SH3RF3: variants seen among roughly 807,000 people sequenced by gnomAD.
SH3RF3 encodes SH3 domain containing ring finger 3.
Under a neutral mutation model 66.3 loss-of-function variants are expected in SH3RF3, and 29 were observed. The observed-to-expected ratio is 0.44, with a 90% CI of 0.33 to 0.60. The LOEUF is 0.60. SH3RF3 is among the 20% of genes least tolerant of loss of function. The pLI is 0.04. For missense variants in SH3RF3, 1,194 were observed against 1,190.9 expected, an observed-to-expected ratio of 1.00 and a Z score of -0.04; for synonymous variants, 583 against 532.0, an observed-to-expected ratio of 1.10 and a Z score of -1.32.
At chr2:109,423,931 A>G (rs1363364469) in intron 5 of SH3RF3, among the ~76,000 whole-genome samples, 1 of 152,208 alleles carries the variant, frequency 6.6e-6, no homozygotes, top group Non-Finnish European at 1.5e-5. Flanking sequence ...AAGTGGGAAG[A>G]GCAGAGAATT....
At chr2:109,495,758 C>T (rs539707815) in intron 9 of SH3RF3, among the ~76,000 whole-genome samples, 1 of 152,246 alleles carries the variant, frequency 6.6e-6, no homozygotes, top group African/African-American at 2.4e-5. Flanking sequence ...TCCCAGAGTG[C>T]TGGGCGTGAG....
At chr2:109,364,844 A>C (rs1312380242) in intron 2 of SH3RF3, among the ~76,000 whole-genome samples, 1 of 152,090 alleles carries the variant, frequency 6.6e-6, no homozygotes, top group Non-Finnish European at 1.5e-5. Context: ...TACTCTCAGC[A>C]CTTTGGGAGG....
At chr2:109,215,877 A>T (rs1339101217) in intron 1 of SH3RF3, among the ~76,000 whole-genome samples, 1 of 152,146 alleles carries the variant, frequency 6.6e-6, no homozygotes, top group African/African-American at 2.4e-5. Context: ...GTCCCGAGGA[A>T]CCGGCATACA....
chr2:109,362,188 C>T (rs749442527), intron 2 of SH3RF3, among the ~76,000 whole-genome samples: 5 of 152,034 alleles, frequency 3.3e-5, no homozygotes, highest in Admixed American at 1.3e-4. Context: ...CTTTTCTAAT[C>T]GATGCATTCA....
intron 1 of SH3RF3, among the ~76,000 whole-genome samples, chr2:109,266,240 TTG>T (rs1558990918): frequency 6.6e-6 from 1 of 150,970 alleles, no homozygotes; most frequent in Non-Finnish European, 1.5e-5. Context: ...ATTCAGTGTG[TTG>T]TGTGTGCTGT....
chr2:109,287,604 G>A (rs544051297), intron 1 of SH3RF3, among the ~76,000 whole-genome samples: 2 of 152,156 alleles, frequency 1.3e-5, no homozygotes, highest in South Asian at 2.1e-4. Context: ...ATACCCAGGC[G>A]CAGGTGGTTG....
chr2:109,213,392 C>T (rs1679037359), intron 1 of SH3RF3, among the ~76,000 whole-genome samples: 1 of 152,180 alleles, frequency 6.6e-6, no homozygotes. Flanking sequence ...GACCAGGGCT[C>T]CTCAAACCTC....
At chr2:109,209,992 G>A (rs778182568) in intron 1 of SH3RF3, among the ~76,000 whole-genome samples, 114 of 152,234 alleles carry the variant, frequency 7.5e-4, no homozygotes, top group Admixed American at 2.2e-3. Flanking sequence ...AGCCCCCCCA[G>A]TAACCTCTGT....
At chr2:109,182,513 G>A (rs760807267) in intron 1 of SH3RF3, among the ~76,000 whole-genome samples, 1 of 152,202 alleles carries the variant, frequency 6.6e-6, no homozygotes, top group Admixed American at 6.5e-5. Context: ...ATCTCACATA[G>A]TCAGGTGTTT....
Position 109,425,928 on chromosome 2 carries a change from C to T in SH3RF3, c.1403+6286C>T, listed in dbSNP as rs569883089. On this transcript the variant is annotated intron_variant, in intron 5 of 9. Transcript: ENST00000309415. Reference sequence around the variant, plus strand: ...TCTTTTTTTTCTTGAGATGGAGTTTCACTCTGTCGTCCAGGCTGGAGTGCA... The same window carrying T: ...TCTTTTTTTTCTTGAGATGGAGTTTTACTCTGTCGTCCAGGCTGGAGTGCA... Among the ~76,000 whole-genome samples the T allele has an allele frequency of 2.6e-5, 4 of 152,070 alleles. No homozygotes were observed. In the South Asian group the frequency reaches 8.3e-4, roughly 32 times the overall value.
At chr2:109,144,009 T>A (rs1677030051) in intron 1 of SH3RF3, among the ~76,000 whole-genome samples, 1 of 152,124 alleles carries the variant, frequency 6.6e-6, no homozygotes, top group South Asian at 2.1e-4. Flanking sequence ...ACTGAATTCA[T>A]AGAAGCAGAT....
intron 1 of SH3RF3, among the ~76,000 whole-genome samples, chr2:109,207,087 C>T (rs1247629337): frequency 2.0e-5 from 3 of 152,082 alleles, no homozygotes; most frequent in Non-Finnish European, 2.9e-5. Context: ...GAGCTTAGTG[C>T]GCTCAAGAAG....
chr2:109,175,470 T>G (rs1185953269), intron 1 of SH3RF3, among the ~76,000 whole-genome samples: 1 of 152,232 alleles, frequency 6.6e-6, no homozygotes, highest in Non-Finnish European at 1.5e-5. Context: ...GGCAGGTGGT[T>G]TCACATCTGT....
At chr2:109,158,176 C>T (rs561510843) in intron 1 of SH3RF3, among the ~76,000 whole-genome samples, 4 of 152,250 alleles carry the variant, frequency 2.6e-5, no homozygotes, top group Admixed American at 6.5e-5. Flanking sequence ...TCAAAACACA[C>T]GACTGCAAGC....
intron 1 of SH3RF3, among the ~76,000 whole-genome samples, chr2:109,161,857 A>T (rs1011146144): frequency 6.6e-6 from 1 of 151,900 alleles, no homozygotes; most frequent in Non-Finnish European, 1.5e-5. Context: ...AACATTGGGG[A>T]TCACATTTTA....
chr2:109,438,832 C>G (rs867819272), intron 7 of SH3RF3, among the ~76,000 whole-genome samples: 2 of 152,220 alleles, frequency 1.3e-5, no homozygotes, highest in African/African-American at 4.8e-5. Context: ...TGTTTGGCCA[C>G]TGGAGCACCC....
chr2:109,258,574 C>A (rs1224118230), intron 1 of SH3RF3, among the ~76,000 whole-genome samples: 1 of 152,150 alleles, frequency 6.6e-6, no homozygotes, highest in African/African-American at 2.4e-5. Flanking sequence ...ACTAGGAATC[C>A]AGTCAGTCAT....
Position 109,501,639 on chromosome 2 carries a change from C to T in SH3RF3, c.2617C>T (p.Leu873Phe), listed in dbSNP as rs771025438. 2.4e-5 allele frequency: 19 copies of T among 775,996 alleles called. No individual in the cohort carries two copies. The African/African-American group carries it at 2.9e-4, about 12-fold the overall frequency. The allele number at this position is 775,996 out of a possible 1,614,324, so 48.1% of individuals were successfully genotyped here. Residue 873 changes from leucine (L) to phenylalanine (F), a missense_variant, in exon 10 of 10, where the codon CTC (leucine) becomes TTC (phenylalanine). Leu to Phe is a conservative substitution (Grantham distance 22). Coordinates refer to ENST00000309415, the MANE Select transcript of SH3RF3 (RefSeq NM_001099289.3). ...GTLQRNGRTG[L>F]FPGSFVESF The stretch of plus-strand genomic sequence containing the variant: ...CCTGCAGCGGAACGGCCGCACAGGC[C>T]TCTTCCCGGGCAGCTTCGTCGAGAG...
intron 7 of SH3RF3, 55 bp from the exon 8 acceptor site, chr2:109,449,115 A>G: frequency 1.3e-6 from 2 of 1,555,950 alleles, no homozygotes; most frequent in Non-Finnish European, 8.7e-7. Context: ...CCTGGCAGGC[A>G]TGGCAAGTTG....
Sources: allele counts gnomAD v4.1 joint callset (sites outside exome capture counted in the v4.1 genomes callset), GRCh38; gene constraint gnomAD v4.1.1; transcripts MANE v1.5; gene names NCBI Gene and HGNC (gene_info 2026-07-23, HGNC 2026-07-21).